Variants in ERC1 observed in about 807,000 individuals in gnomAD.
ERC1 encodes RAB6 interacting protein 2.
ERC1 carries 56 observed loss-of-function variants against 132.0 expected under a neutral mutation model. The ratio of observed to expected loss-of-function variants is 0.42; its 90% CI spans 0.34 to 0.53. The LOEUF is 0.53. Among genes scored for constraint, ERC1 ranks in the 20% least tolerant of loss-of-function variants. ERC1 has a pLI of 0.03. For missense variants in ERC1, 1,202 were observed against 1,349.9 expected, an observed-to-expected ratio of 0.89 and a Z score of 1.72; for synonymous variants, 478 against 476.1, an observed-to-expected ratio of 1.00 and a Z score of -0.05.
intron 14 of ERC1, among the ~76,000 whole-genome samples, chr12:1,270,917 A>G (rs1170732532): frequency 6.6e-6 from 1 of 152,152 alleles, no homozygotes; most frequent in Admixed American, 6.5e-5. Flanking sequence ...AGGAAAATGT[A>G]AATAATAATT....
At chr12:1,485,516 A>G (rs533483445) in intron 18 of ERC1, among the ~76,000 whole-genome samples, 12 of 152,024 alleles carry the variant, frequency 7.9e-5, no homozygotes, top group African/African-American at 2.2e-4. Flanking sequence ...TTTAATTATT[A>G]ATGAAATTGG....
At chr12:1,125,906 C>T (rs1288657397) in intron 7 of ERC1, among the ~76,000 whole-genome samples, 1 of 152,154 alleles carries the variant, frequency 6.6e-6, no homozygotes, top group Non-Finnish European at 1.5e-5. Flanking sequence ...AAGACAAATA[C>T]TACATATGAT....
Position 1,028,311 on chromosome 12 carries a change from A to G in ERC1, c.408A>G (p.Ala136=). 1 of 1,614,216 alleles carries G rather than the reference A, an allele frequency of 6.2e-7. No individual in the cohort carries two copies. Among genetic ancestry groups the G allele is most frequent in the East Asian group, 2.2e-5 (1 of 44,890 alleles). ...GEHHLPPVSM[A]STVPHSLRQA... Reference sequence around the variant, plus strand: ...ATCACCTCCCTCCTGTGAGTATGGCATCCACTGTACCTCACTCCCTTCGTC... The same window carrying G: ...ATCACCTCCCTCCTGTGAGTATGGCGTCCACTGTACCTCACTCCCTTCGTC... Residue 136 remains alanine, a synonymous_variant, in exon 2 of 19, where the codon GCA becomes GCG. Transcript: ENST00000360905.
intron 15 of ERC1, among the ~76,000 whole-genome samples, chr12:1,327,997 C>G (rs1595024560): frequency 6.6e-6 from 1 of 151,834 alleles, no homozygotes; most frequent in East Asian, 1.9e-4. Context: ...ATCTCCACAT[C>G]ATTTTGCTTC....
rs1401515779 is a variant in ERC1 at position 1,345,789 on chromosome 12, A to AT, written c.2781-26038dup. On this transcript the variant is annotated intron_variant, in intron 15 of 18. Coordinates refer to ENST00000360905, the MANE Select transcript of ERC1 (RefSeq NM_178040.4). ...TTTGCCACATTTTCCCTATCCCTGA[A>AT]TTTTTTGCTGTATCGTTTTGCTTAT... is the stretch of plus-strand genomic sequence containing the variant. 3.3e-5 allele frequency among the ~76,000 whole-genome samples: 5 copies of AT among 152,040 alleles called. No individual in the cohort carries two copies. In the East Asian group the frequency reaches 9.7e-4, roughly 29 times the overall value.
At chr12:1,282,342 T>A (rs1183215901) in intron 14 of ERC1, among the ~76,000 whole-genome samples, 1 of 152,270 alleles carries the variant, frequency 6.6e-6, no homozygotes, top group African/African-American at 2.4e-5. Context: ...ATAATAATAC[T>A]TTATACCCAC....
At chr12:1,471,679 T>G (rs2093865229) in intron 18 of ERC1, among the ~76,000 whole-genome samples, 1 of 152,216 alleles carries the variant, frequency 6.6e-6, no homozygotes. Context: ...GGTTACTTGG[T>G]CTCTCAGTTG....
chr12:1,024,705 T>G (rs1966823713), intron 1 of ERC1, among the ~76,000 whole-genome samples: 1 of 152,134 alleles, frequency 6.6e-6, no homozygotes, highest in African/African-American at 2.4e-5. Flanking sequence ...AGATCTAGTT[T>G]AGATCTATAT....
At chr12:1,386,512 G>C (rs1279632036) in intron 16 of ERC1, 5 of 151,764 alleles carry the variant, frequency 3.3e-5, no homozygotes, top group African/African-American at 1.2e-4. Context: ...GCCAGCCATG[G>C]TGGTGCACAC....
At chr12:1,264,603 G>A (rs2154326852) in intron 14 of ERC1, among the ~76,000 whole-genome samples, 2 of 152,200 alleles carry the variant, frequency 1.3e-5, no homozygotes, top group South Asian at 4.1e-4. Flanking sequence ...GGCGGAGCTT[G>A]CAGTGAGCCG....
upstream of ERC1, chr12:991,125 G>C (rs138466662): frequency 6.6e-6 from 1 of 151,532 alleles, no homozygotes; most frequent in African/African-American, 2.4e-5. Context: ...GGAAAGGGAG[G>C]CAGCCGAGCC....
chr12:1,300,634 G>A (rs2080316876), intron 15 of ERC1, among the ~76,000 whole-genome samples: 1 of 152,078 alleles, frequency 6.6e-6, no homozygotes, highest in Non-Finnish European at 1.5e-5. Context: ...TTAAAAAATG[G>A]GCAAAGGGCG....
At chr12:1,411,448 A>G (rs2091842556) in intron 17 of ERC1, among the ~76,000 whole-genome samples, 2 of 151,828 alleles carry the variant, frequency 1.3e-5, no homozygotes, top group Admixed American at 1.3e-4. Flanking sequence ...CACAACCAAG[A>G]AGGATGGAGA....
rs570977871 is a variant in ERC1, at chr12:1,464,289, C to G, written c.3213+19539C>G. On this transcript the variant is annotated intron_variant, in intron 18 of 18. Coordinates refer to ENST00000360905, the MANE Select transcript of ERC1 (RefSeq NM_178040.4). ...AAACATTATGATACAAAAGATTGTT[C>G]CAGTCATTTCCTTCCATAGCTTATC... Among the ~76,000 whole-genome samples the G allele has an allele frequency of 1.3e-4, 20 of 152,154 alleles. 1 individual carries two copies. The highest frequency in any genetic ancestry group is 4.8e-4 in the African/African-American group (20 of 41,506).
chr12:1,060,928 G>A lies in ERC1; in HGVS notation c.670-22236G>A, dbSNP rs528309036. Among the ~76,000 whole-genome samples, 36 of 152,052 alleles carry A rather than the reference G, an allele frequency of 2.4e-4. No homozygotes were observed. In the South Asian group the frequency reaches 7.3e-3, roughly 31 times the overall value. On this transcript the variant is annotated intron_variant, in intron 2 of 18. Coordinates refer to ENST00000360905, the MANE Select transcript of ERC1 (RefSeq NM_178040.4). ...ATTTTTAGTAGAACGAGGTTTCACCGTGTTAGCCAGGATGATCTCGATCTC... is the reference window on the plus strand; with the variant it reads ...ATTTTTAGTAGAACGAGGTTTCACCATGTTAGCCAGGATGATCTCGATCTC...
chr12:1,003,917 AT>A (rs1461438392), intron 1 of ERC1, among the ~76,000 whole-genome samples: 4 of 152,224 alleles, frequency 2.6e-5, no homozygotes, highest in Non-Finnish European at 5.9e-5. Context: ...TGAGGAGCCT[AT>A]TCTAGGCTGC....
chr12:1,004,065 G>C (rs1449267519), intron 1 of ERC1, among the ~76,000 whole-genome samples: 2 of 152,104 alleles, frequency 1.3e-5, no homozygotes, highest in Non-Finnish European at 2.9e-5. Flanking sequence ...AGGTGACCTG[G>C]GAGAGCTCCA....
At chr12:1,276,518 C>A (rs1485127734) in intron 14 of ERC1, among the ~76,000 whole-genome samples, 1 of 151,936 alleles carries the variant, frequency 6.6e-6, no homozygotes, top group African/African-American at 2.4e-5. Flanking sequence ...GGATTACTGG[C>A]GTGAGCCACT....
chr12:1,096,454 A>G (rs1307841276), intron 3 of ERC1, among the ~76,000 whole-genome samples: 1 of 152,216 alleles, frequency 6.6e-6, no homozygotes, highest in African/African-American at 2.4e-5. Context: ...AGCAGAGTTC[A>G]TTTTATTTTT....
Sources: allele counts gnomAD v4.1 joint callset (sites outside exome capture counted in the v4.1 genomes callset), GRCh38; gene constraint gnomAD v4.1.1; transcripts MANE v1.5; gene names NCBI Gene and HGNC (gene_info 2026-07-23, HGNC 2026-07-21).